The following NRG3 variants were observed in gnomAD, a reference collection of about 807,000 sequenced individuals.
NRG3 encodes the protein neuregulin 3, also known as pro-neuregulin-3, membrane-bound isoform.
In NRG3, 31 loss-of-function variants were observed where a neutral mutation model predicts 66.9. The observed-to-expected ratio is 0.46, with a 90% CI of 0.35 to 0.63. The LOEUF (loss-of-function observed/expected upper bound fraction) is 0.63. NRG3 is among the 20% of genes least tolerant of loss of function. The probability of loss-of-function intolerance (pLI) is 0.00; values close to 1 mark genes in which losing one functional copy is unlikely to be tolerated. For synonymous variants in NRG3, 393 were observed against 359.4 expected, an observed-to-expected ratio of 1.09 and a Z score of -1.06; for missense variants, 910 against 878.9, an observed-to-expected ratio of 1.04 and a Z score of -0.45.
chr10:81,943,896 A>C (rs1368084498), intron 1 of NRG3, among the ~76,000 whole-genome samples: 1 of 152,174 alleles, frequency 6.6e-6, no homozygotes, highest in Non-Finnish European at 1.5e-5. Context: ...CTGAGGAAGC[A>C]TGGGAACTAC....
intron 2 of NRG3, among the ~76,000 whole-genome samples, chr10:82,717,917 G>A (rs1302513039): frequency 6.6e-6 from 1 of 150,572 alleles, no homozygotes; most frequent in Non-Finnish European, 1.5e-5. Flanking sequence ...GTATGTCAAA[G>A]CCTCACAAAA....
chr10:82,208,684 A>G (rs1226814658), intron 1 of NRG3, among the ~76,000 whole-genome samples: 3 of 152,128 alleles, frequency 2.0e-5, no homozygotes, highest in Non-Finnish European at 4.4e-5. Flanking sequence ...CGTCAATTAC[A>G]AATGATTATT....
intron 2 of NRG3, among the ~76,000 whole-genome samples, chr10:82,575,646 G>A (rs1296133331): frequency 2.0e-5 from 3 of 151,622 alleles, no homozygotes; most frequent in Non-Finnish European, 3.0e-5. Context: ...CTATAAAAAC[G>A]AACACAAAAC....
At chr10:81,959,650 C>T (rs1254095301) in intron 1 of NRG3, among the ~76,000 whole-genome samples, 1 of 152,046 alleles carries the variant, frequency 6.6e-6, no homozygotes, top group African/African-American at 2.4e-5. Flanking sequence ...AATATGTTCT[C>T]CAAGTCTTCC....
At chr10:82,349,458 C>T (rs2083264420) in intron 1 of NRG3, among the ~76,000 whole-genome samples, 1 of 151,068 alleles carries the variant, frequency 6.6e-6, no homozygotes, top group South Asian at 2.1e-4. Flanking sequence ...AGAACCACTG[C>T]TCTCTTCAAA....
chr10:82,043,583 T>C (rs1340170987), intron 1 of NRG3, among the ~76,000 whole-genome samples: 1 of 151,982 alleles, frequency 6.6e-6, no homozygotes, highest in Non-Finnish European at 1.5e-5. Context: ...TGAATATATT[T>C]GGAGTATTTT....
intron 2 of NRG3, among the ~76,000 whole-genome samples, chr10:82,597,870 G>A (rs997613182): frequency 4.0e-5 from 6 of 150,706 alleles, no homozygotes; most frequent in African/African-American, 1.5e-4. Context: ...GCAGTGAGCC[G>A]AGATCGCGCC....
chr10:82,115,328 A>G (rs904874240), intron 1 of NRG3, among the ~76,000 whole-genome samples: 29 of 152,156 alleles, frequency 1.9e-4, no homozygotes, highest in Non-Finnish European at 2.8e-4. Context: ...CAGCTTTTCA[A>G]TCATTTGACA....
At chr10:82,132,509 T>TATC (rs1564593758) in intron 1 of NRG3, among the ~76,000 whole-genome samples, 2 of 25,804 alleles carry the variant, frequency 7.8e-5, no homozygotes, top group Non-Finnish European at 1.8e-4. Flanking sequence ...ATATATCATA[T>TATC]ATATATGATA....
chr10:82,741,351 A>T, intron 3 of NRG3, among the ~76,000 whole-genome samples: 1 of 152,178 alleles, frequency 6.6e-6, no homozygotes, highest in African/African-American at 2.4e-5. Flanking sequence ...AATTTGGTGT[A>T]ACATTTACCC....
intron 1 of NRG3, among the ~76,000 whole-genome samples, chr10:82,044,487 A>G (rs1429004328): frequency 2.0e-5 from 3 of 152,006 alleles, no homozygotes; most frequent in Non-Finnish European, 4.4e-5. Context: ...CATGGAGAGA[A>G]CATGCCAACA....
intron 2 of NRG3, among the ~76,000 whole-genome samples, chr10:82,552,535 C>T (rs2044383629): frequency 6.6e-6 from 1 of 152,066 alleles, no homozygotes; most frequent in Non-Finnish European, 1.5e-5. Context: ...GTAATGCTCC[C>T]AGAAGTCCTC....
intron 1 of NRG3, among the ~76,000 whole-genome samples, chr10:82,342,342 C>T (rs760600012): frequency 5.3e-5 from 8 of 152,010 alleles, no homozygotes; most frequent in Non-Finnish European, 8.8e-5. Context: ...GATAAATCTC[C>T]ATACTGTTTT....
chr10:82,579,501 A>G (rs1325551637), intron 2 of NRG3, among the ~76,000 whole-genome samples: 2 of 151,970 alleles, frequency 1.3e-5, no homozygotes, highest in African/African-American at 4.8e-5. Context: ...TCAGGCTTTC[A>G]CAATTCCATT....
At chr10:81,946,567 G>A (rs1344501581) in intron 1 of NRG3, among the ~76,000 whole-genome samples, 2 of 152,072 alleles carry the variant, frequency 1.3e-5, no homozygotes, top group East Asian at 3.9e-4. Context: ...ATGATGAAAG[G>A]TAAGTTTTTG....
At chr10:82,799,742 AC>A (rs540755446) in intron 3 of NRG3, 80 of 152,252 alleles carry the variant, frequency 5.3e-4, no homozygotes, top group African/African-American at 1.8e-3. Context: ...CAAGTGAGAC[AC>A]TGTAGCAGAC....
intron 2 of NRG3, among the ~76,000 whole-genome samples, chr10:82,389,128 C>T (rs531717992): frequency 6.9e-4 from 105 of 152,262 alleles, no homozygotes; most frequent in East Asian, 5.6e-3. Context: ...GCAAAATGAG[C>T]ATCAGAACCT....
chr10:82,263,606 TACAC>T (rs2078146684), intron 1 of NRG3, among the ~76,000 whole-genome samples: 2 of 151,966 alleles, frequency 1.3e-5, no homozygotes, highest in African/African-American at 2.4e-5. Flanking sequence ...TTATACTACA[TACAC>T]ACACACCACA....
chr10:82,674,632 C>T lies in NRG3; in HGVS notation c.954-63945C>T, dbSNP rs138483727. On this transcript the variant is annotated intron_variant, in intron 2 of 8. Coordinates refer to ENST00000372141, the MANE Select transcript of NRG3 (RefSeq NM_001010848.4). Reference sequence around the variant, plus strand: ...GAATCTACTAGGAGGATGGTTCATCCAGCACTCTATATCTGATAACATCGG... The same window carrying T: ...GAATCTACTAGGAGGATGGTTCATCTAGCACTCTATATCTGATAACATCGG... Among the ~76,000 whole-genome samples the T allele has an allele frequency of 1.9e-3, 283 of 152,142 alleles. 1 individual carries two copies. Among genetic ancestry groups the T allele is most frequent in the African/African-American group, 6.3e-3 (263 of 41,492 alleles).
Sources: allele counts gnomAD v4.1 joint callset (sites outside exome capture counted in the v4.1 genomes callset), GRCh38; gene constraint gnomAD v4.1.1; transcripts MANE v1.5; gene names NCBI Gene and HGNC (gene_info 2026-07-23, HGNC 2026-07-21).